The following NPHP3 variants were observed in gnomAD, a reference collection of about 807,000 sequenced individuals.
The protein encoded by NPHP3 is nephrocystin-3.
In NPHP3, 123 loss-of-function variants were observed where a neutral mutation model predicts 171.9. The observed-to-expected ratio is 0.72, with a 90% CI of 0.62 to 0.83. The LOEUF (loss-of-function observed/expected upper bound fraction) is 0.83, where lower values mean the gene tolerates loss of function less well. Ranked by LOEUF, NPHP3 falls within the 40% of genes least tolerant of loss-of-function variation. The pLI is 0.00. For missense variants in NPHP3, 1,506 were observed against 1,591.9 expected (o/e 0.95, Z 0.92); for synonymous variants, 558 against 579.2 (o/e 0.96, Z 0.52).
In NPHP3 at chr3:132,694,905, A is replaced by C. The variant is rs767339363; in HGVS notation, c.2232T>G (p.Thr744=). The C allele has an allele frequency of 1.2e-6, 2 of 1,613,834 alleles. No individual in the cohort carries two copies. Among genetic ancestry groups the C allele is most frequent in the East Asian group, 4.5e-5 (2 of 44,844 alleles). ...ILHQCFQCQD[T]LSLYRLVLHS... ...GCAGAACAAGTCTATATAATGAAAG[A>C]GTATCTTGACACTGGAAACACTGAT... The change falls in exon 16 of 27, where the codon ACT becomes ACG. Residue 744 remains threonine, a synonymous_variant. Coordinates refer to ENST00000337331, the MANE Select transcript of NPHP3 (RefSeq NM_153240.5).
At chr3:132,707,420 A>G (rs1483345920) in intron 7 of NPHP3, among the ~76,000 whole-genome samples, 1 of 152,040 alleles carries the variant, frequency 6.6e-6, no homozygotes, top group Non-Finnish European at 1.5e-5. Context: ...TCAGTGAGAT[A>G]TGAACAAGCT....
rs762134618 is a variant in NPHP3 at position 132,722,050 on chromosome 3, G to A, written c.306C>T (p.Arg102=). ...ERLRKEYEIF[R]VSKNQELLSM... ...ACAACAACTCCTGGTTCTTGCTGACGCGAAAGATCTCGTACTCCTTCCTGA... is the reference window on the plus strand; with the variant it reads ...ACAACAACTCCTGGTTCTTGCTGACACGAAAGATCTCGTACTCCTTCCTGA... The change falls in exon 1 of 27, where the codon CGC becomes CGT. Residue 102 remains arginine (R), a synonymous_variant. Transcript: ENST00000337331. 29 of 1,612,918 alleles carry A rather than the reference G, an allele frequency of 1.8e-5. No homozygotes were observed. Among genetic ancestry groups the A allele is most frequent in the Non-Finnish European group, 2.3e-5 (27 of 1,179,906 alleles).
At chr3:132,717,163 A>G (rs1167410986) in intron 3 of NPHP3, 1 of 433,018 alleles carries the variant, frequency 2.3e-6, no homozygotes, top group East Asian at 4.4e-5. Context: ...ATACAATAAA[A>G]AAGAAATCAT....
chr3:132,722,094 C>A lies in NPHP3; in HGVS notation c.262G>T (p.Ala88Ser), dbSNP rs1233421790. 6.2e-7 allele frequency: 1 copy of A among 1,609,538 alleles called. No individual in the cohort carries two copies. Among genetic ancestry groups the A allele is most frequent in the Admixed American group, 1.7e-5 (1 of 60,006 alleles). The change falls in exon 1 of 27, where the codon GCG becomes TCG. Residue 88 changes from alanine to serine, a missense_variant. Ala to Ser is a moderately conservative substitution (Grantham distance 99). Coordinates refer to ENST00000337331, the MANE Select transcript of NPHP3 (RefSeq NM_153240.5). ...GSSVPELEYAAAEYERLRKEY... is the reference protein window; with the variant it reads ...GSSVPELEYASAEYERLRKEY... ...TTCCTGAGCCGCTCGTACTCGGCCG[C>A]CGCGTACTCCAGCTCTGGCACCGAC...
At chr3:132,695,840 G>A (rs1439301607) in intron 15 of NPHP3, among the ~76,000 whole-genome samples, 1 of 152,142 alleles carries the variant, frequency 6.6e-6, no homozygotes, top group African/African-American at 2.4e-5. Context: ...AGGCTGAGGT[G>A]GGAGGATCGC....
rs369987562 is a variant in NPHP3, at chr3:132,715,222, A to G, written c.824-4T>C. ...GCTACAGCAATATCCCAGTCATCTG[A>G]AAATAAAATTTCTCAAGTTCATGAA... On this transcript the variant is annotated splice_polypyrimidine_tract_variant and splice_region_variant and intron_variant, in intron 4 of 26. Coordinates refer to ENST00000337331, the MANE Select transcript of NPHP3 (RefSeq NM_153240.5). 13 of 1,611,916 alleles carry G rather than the reference A, an allele frequency of 8.1e-6. No homozygotes were observed. Among genetic ancestry groups the G allele is most frequent in the Non-Finnish European group, 1.1e-5 (13 of 1,178,302 alleles).
At chr3:132,707,839 G>A (rs1028918491) in intron 7 of NPHP3, among the ~76,000 whole-genome samples, 3 of 152,082 alleles carry the variant, frequency 2.0e-5, no homozygotes, top group South Asian at 4.2e-4. Flanking sequence ...AGATGATCAC[G>A]CCAGCCCTCA....
intron 9 of NPHP3, among the ~76,000 whole-genome samples, chr3:132,702,837 T>A (rs929993148): frequency 2.6e-5 from 4 of 152,206 alleles, no homozygotes; most frequent in African/African-American, 9.6e-5. Flanking sequence ...TACTACCTCA[T>A]AAGTCCTAAC....
Position 132,688,065 on chromosome 3 carries a change from C to G in NPHP3, c.3125+585G>C, listed in dbSNP as rs150336894. Among the ~76,000 whole-genome samples the G allele has an allele frequency of 1.2e-3, 183 of 152,258 alleles. 1 individual carries two copies. Among genetic ancestry groups the G allele is most frequent in the African/African-American group, 3.8e-3 (157 of 41,552 alleles). ...GTTGAACATCCCTAATCTGAAAACC[C>G]AAATTCTGAAATGCTCCAAAATCAG... On this transcript the variant is annotated intron_variant, in intron 21 of 26. Transcript: ENST00000337331.
At position 132,686,473 on chromosome 3, in the gene NPHP3, C is replaced by T. The variant is rs138689264; in HGVS notation, c.3202-86G>A. The T allele has an allele frequency of 3.0e-4, 469 of 1,537,834 alleles. 4 individuals carry two copies. The African/African-American group carries it at 4.7e-3, about 15-fold the overall frequency. The stretch of plus-strand genomic sequence containing the variant: ...ACAATATATGAGGGTCCTAAAAAAT[C>T]TTCCTTTTTTCCCATTTAATCTAGA... On this transcript the variant is annotated intron_variant, in intron 22 of 26. Coordinates refer to ENST00000337331, the MANE Select transcript of NPHP3 (RefSeq NM_153240.5).
Position 132,692,685 on chromosome 3 carries a change from C to G in NPHP3, c.2444G>C (p.Gly815Ala). The change falls in exon 17 of 27, where the codon GGA (glycine) becomes GCA (alanine). Residue 815 changes from glycine (G) to alanine (A), a missense_variant. Coordinates refer to ENST00000337331, the MANE Select transcript of NPHP3 (RefSeq NM_153240.5). ...ATGTTGAAACCTAAGCAAGCCACATCCATAAGTCAACAAACACATTTTGTA... is the reference window on the plus strand; with the variant it reads ...ATGTTGAAACCTAAGCAAGCCACATGCATAAGTCAACAAACACATTTTGTA... ...SLYKMCLLTY[G>A]CGLLRFQHLQ... 1 of 1,614,010 alleles carries G rather than the reference C, an allele frequency of 6.2e-7. No homozygotes were observed. Among genetic ancestry groups the G allele is most frequent in the Non-Finnish European group, 8.5e-7 (1 of 1,179,948 alleles).
intron 26 of NPHP3, 165 bp downstream of exon 26, chr3:132,682,533 CTTCAT>C (rs1169271507): frequency 2.9e-5 from 18 of 619,314 alleles, no homozygotes; most frequent in Non-Finnish European, 4.3e-5. Context: ...ATCATGCAGG[CTTCAT>C]TTCATTTCTG....
intron 6 of NPHP3, among the ~76,000 whole-genome samples, chr3:132,710,382 G>A (rs1249463612): frequency 6.6e-6 from 1 of 151,264 alleles, no homozygotes; most frequent in African/African-American, 2.4e-5. Flanking sequence ...ACCAATAATA[G>A]GGCCTAAGAA....
At chr3:132,702,450 C>T (rs1939637351) in intron 9 of NPHP3, among the ~76,000 whole-genome samples, 1 of 152,174 alleles carries the variant, frequency 6.6e-6, no homozygotes, top group Admixed American at 6.5e-5. Context: ...AAGTTTTCCC[C>T]AGAAACTCAA....
Position 132,719,903 on chromosome 3 carries a change from CAT to C in NPHP3, c.394-75_394-74del, listed in dbSNP as rs10590809. On this transcript the variant is annotated intron_variant, in intron 1 of 26. Coordinates refer to ENST00000337331, the MANE Select transcript of NPHP3 (RefSeq NM_153240.5). The stretch of plus-strand genomic sequence containing the variant: ...TCAATTTTACATTCTTATATATATA[CAT>C]ATATATATATATATGTTACGTATCT... 0.34 allele frequency: 149,343 copies of C among 439,464 alleles called. 25,393 individuals are homozygous for C. Among genetic ancestry groups the C allele is most frequent in the East Asian group, 0.63 (9,243 of 14,730 alleles). 27.2% of individuals were successfully genotyped at this position (439,464 alleles called of 1,614,324 possible).
At chr3:132,696,691 C>T (rs1203506836) in intron 15 of NPHP3, 40 bp downstream of exon 15, 10 of 1,577,592 alleles carry the variant, frequency 6.3e-6, no homozygotes, top group Admixed American at 1.7e-5. Flanking sequence ...GCAGCAAACA[C>T]AAAACATGCA....
chr3:132,687,972 G>C (rs190493406), intron 21 of NPHP3, among the ~76,000 whole-genome samples: 15 of 152,294 alleles, frequency 9.8e-5, no homozygotes, highest in Admixed American at 5.2e-4. Flanking sequence ...ATTTGGCTGT[G>C]TTCCCTTTAA....
chr3:132,686,064 AGT>A lies in NPHP3; in HGVS notation c.3329+194_3329+195del, dbSNP rs1436437911. The A allele has an allele frequency of 2.2e-4, 115 of 518,198 alleles. 1 individual carries two copies. Among genetic ancestry groups the A allele is most frequent in the Middle Eastern group, 1.1e-3 (2 of 1,780 alleles). The allele number at this position is 518,198 out of a possible 1,614,324, so 32.1% of individuals were successfully genotyped here. On this transcript the variant is annotated intron_variant, in intron 23 of 26. Coordinates refer to ENST00000337331, the MANE Select transcript of NPHP3 (RefSeq NM_153240.5). ...ACTCCGTCTCAAAAAAAAAAAAAAG[AGT>A]GTGAAAAGAAACACAGTAGAGAAAA...
At chr3:132,688,186 T>TG (rs1939209118) in intron 21 of NPHP3, among the ~76,000 whole-genome samples, 1 of 152,234 alleles carries the variant, frequency 6.6e-6, no homozygotes, top group Non-Finnish European at 1.5e-5. Context: ...AACTGTGTTT[T>TG]ATGCACAAAT....
Sources: gnomAD v4.1 joint callset for allele counts (sites outside exome capture counted in the v4.1 genomes callset) on GRCh38, gnomAD v4.1.1 for gene constraint, MANE v1.5 for transcripts, NCBI Gene and HGNC (gene_info 2026-07-23, HGNC 2026-07-21) for gene names.